The following NTNG1 variants were observed in gnomAD, a reference collection of about 807,000 sequenced individuals.
NTNG1 encodes the protein netrin G1.
Under a neutral mutation model 54.0 loss-of-function variants are expected in NTNG1, and 16 were observed. The ratio of observed to expected loss-of-function variants is 0.30; its 90% CI spans 0.20 to 0.45. The LOEUF (loss-of-function observed/expected upper bound fraction) is 0.45, where lower values mean the gene tolerates loss of function less well. Among genes scored for constraint, NTNG1 ranks in the 20% least tolerant of loss-of-function variants. NTNG1 has a pLI of 1.00. For missense variants in NTNG1, 530 were observed against 678.7 expected (o/e 0.78, Z 2.43); for synonymous variants, 255 against 263.1 (o/e 0.97, Z 0.30).
At chr1:107,369,209 A>G (rs1279630170) in intron 3 of NTNG1, among the ~76,000 whole-genome samples, 1 of 152,194 alleles carries the variant, frequency 6.6e-6, no homozygotes, top group African/African-American at 2.4e-5. Context: ...TGCTGTTATG[A>G]ACATTCATGT....
At chr1:107,331,603 T>C (rs1453827029) in intron 3 of NTNG1, among the ~76,000 whole-genome samples, 1 of 152,174 alleles carries the variant, frequency 6.6e-6, no homozygotes, top group Non-Finnish European at 1.5e-5. Flanking sequence ...TAAACTTTTA[T>C]TATGTACACC....
intron 2 of NTNG1, among the ~76,000 whole-genome samples, chr1:107,229,820 T>C (rs1660941178): frequency 6.6e-6 from 1 of 152,148 alleles, no homozygotes; most frequent in Non-Finnish European, 1.5e-5. Flanking sequence ...CTGTGAATTC[T>C]GTTGGAAATA....
In NTNG1 at chr1:107,390,269, G is replaced by A. The variant is rs75599750; in HGVS notation, c.888-4885G>A. Among the ~76,000 whole-genome samples the A allele has an allele frequency of 9.0e-3, 1,368 of 152,330 alleles. 14 individuals carry two copies. The highest frequency in any genetic ancestry group is 0.016 in the Non-Finnish European group (1,112 of 68,032). On this transcript the variant is annotated intron_variant, in intron 3 of 7. Transcript: ENST00000370068. ...ATGTGAAGTTACAGTTTTAGCCAAC[G>A]TTCAAGCAATGCCCTTCCTCCAACT...
intron 4 of NTNG1, among the ~76,000 whole-genome samples, chr1:107,401,811 C>T (rs192123017): frequency 6.6e-6 from 1 of 151,982 alleles, no homozygotes; most frequent in African/African-American, 2.4e-5. Context: ...GCTCCAGTTT[C>T]CTTCCCAACA....
chr1:107,172,257 T>C (rs1289779317), intron 2 of NTNG1, among the ~76,000 whole-genome samples: 1 of 152,154 alleles, frequency 6.6e-6, no homozygotes, highest in African/African-American at 2.4e-5. Flanking sequence ...TGAGCTGAGA[T>C]TCATCCCAGT....
chr1:107,395,877 G>A (rs1006984808), intron 4 of NTNG1, among the ~76,000 whole-genome samples: 3 of 152,064 alleles, frequency 2.0e-5, no homozygotes, highest in Admixed American at 2.0e-4. Flanking sequence ...TGTGTGTAGA[G>A]GCCCCCTTTG....
intron 7 of NTNG1, among the ~76,000 whole-genome samples, chr1:107,441,495 T>A (rs1018826868): frequency 1.3e-5 from 2 of 152,080 alleles, no homozygotes; most frequent in African/African-American, 4.8e-5. Flanking sequence ...CTGTAGGAAA[T>A]AAAAAGCAAA....
intron 2 of NTNG1, among the ~76,000 whole-genome samples, chr1:107,322,697 T>C (rs1022117585): frequency 2.8e-4 from 43 of 152,162 alleles, no homozygotes; most frequent in African/African-American, 9.6e-4. Context: ...ATACTATAAA[T>C]AGTGCCACAG....
At chr1:107,200,383 T>C (rs1292949922) in intron 2 of NTNG1, among the ~76,000 whole-genome samples, 1 of 151,860 alleles carries the variant, frequency 6.6e-6, no homozygotes, top group Non-Finnish European at 1.5e-5. Flanking sequence ...CAACTAATCA[T>C]ATGGTCTGTG....
At chr1:107,377,788 G>T (rs116813519) in intron 3 of NTNG1, among the ~76,000 whole-genome samples, 1 of 152,258 alleles carries the variant, frequency 6.6e-6, no homozygotes, top group Non-Finnish European at 1.5e-5. Context: ...CCCTAGACGT[G>T]TGGATGTGCA....
chr1:107,393,388 A>G (rs1672483863), intron 3 of NTNG1, among the ~76,000 whole-genome samples: 1 of 152,218 alleles, frequency 6.6e-6, no homozygotes, highest in Admixed American at 6.5e-5. Context: ...TTAATAAGCA[A>G]CCTAGCACAA....
intron 2 of NTNG1, among the ~76,000 whole-genome samples, chr1:107,151,216 C>T (rs1035985256): frequency 6.6e-6 from 1 of 152,114 alleles, no homozygotes; most frequent in Non-Finnish European, 1.5e-5. Flanking sequence ...TTATATACCA[C>T]GTCAATGGTA....
chr1:107,321,316 A>G (rs75472565), intron 2 of NTNG1, among the ~76,000 whole-genome samples: 11,222 of 152,048 alleles, frequency 0.074, 628 homozygotes, highest in South Asian at 0.21. Context: ...GCATGTATGA[A>G]TCTTTACTCT....
chr1:107,334,090 A>G (rs1396377288), intron 3 of NTNG1: 1 of 152,052 alleles, frequency 6.6e-6, no homozygotes, highest in Non-Finnish European at 1.5e-5. Flanking sequence ...AACTCTAATT[A>G]CAGCAATGAG....
intron 2 of NTNG1, among the ~76,000 whole-genome samples, chr1:107,202,410 T>C (rs1450810920): frequency 6.6e-6 from 1 of 151,930 alleles, no homozygotes; most frequent in East Asian, 1.9e-4. Flanking sequence ...CTTTAAATGG[T>C]GCATAGCATT....
chr1:107,217,750 A>T (rs138643875), intron 2 of NTNG1, among the ~76,000 whole-genome samples: 32 of 152,096 alleles, frequency 2.1e-4, no homozygotes, highest in African/African-American at 6.7e-4. Flanking sequence ...CATTTATTTC[A>T]TGGTTTTGAG....
chr1:107,389,414 A>T (rs1261772800), intron 3 of NTNG1, among the ~76,000 whole-genome samples: 2 of 142,982 alleles, frequency 1.4e-5, no homozygotes, highest in East Asian at 4.2e-4. Flanking sequence ...TAGATATATT[A>T]AGTTATAAAA....
In NTNG1 at chr1:107,428,120, A is replaced by C. The variant is rs74433024; in HGVS notation, c.1088-2630A>C. Among the ~76,000 whole-genome samples the C allele has an allele frequency of 5.2e-3, 795 of 152,188 alleles. 6 individuals are homozygous for C. Among genetic ancestry groups the C allele is most frequent in the African/African-American group, 0.018 (747 of 41,530 alleles). On this transcript the variant is annotated intron_variant, in intron 5 of 7. Transcript: ENST00000370068. ...TACCCACAAAGGAACCATAGTATGAAAAGTCACCAGCCTTATTCTCTACAT... is the reference window on the plus strand; with the variant it reads ...TACCCACAAAGGAACCATAGTATGACAAGTCACCAGCCTTATTCTCTACAT...
chr1:107,183,986 G>A (rs979881565), intron 2 of NTNG1, among the ~76,000 whole-genome samples: 5 of 152,096 alleles, frequency 3.3e-5, no homozygotes, highest in Admixed American at 2.6e-4. Context: ...AAGCAGAGAA[G>A]AGCATGTGAG....
Sources: gnomAD v4.1 joint callset for allele counts (sites outside exome capture counted in the v4.1 genomes callset) on GRCh38, gnomAD v4.1.1 for gene constraint, MANE v1.5 for transcripts, NCBI Gene and HGNC (gene_info 2026-07-23, HGNC 2026-07-21) for gene names.